ANO10: variants seen among roughly 807,000 people sequenced by gnomAD.
The protein encoded by ANO10 is anoctamin-10.
ANO10 carries 77 observed loss-of-function variants against 74.7 expected under a neutral mutation model. The ratio of observed to expected loss-of-function variants is 1.03; its 90% CI spans 0.86 to 1.25. The LOEUF is 1.25. Among genes scored for constraint, ANO10 ranks in the 50% most tolerant of loss-of-function variants. ANO10 has a pLI of 0.00. For missense variants in ANO10, 721 were observed against 778.1 expected (o/e 0.93, Z 0.87); for synonymous variants, 279 against 284.9 (o/e 0.98, Z 0.21).
intron 11 of ANO10, among the ~76,000 whole-genome samples, chr3:43,463,173 C>T (rs74416435): frequency 0.033 from 4,970 of 152,210 alleles, 268 homozygotes; most frequent in African/African-American, 0.11. Flanking sequence ...TCCCCCAGAC[C>T]TGAGAATGGC....
At chr3:43,620,805 C>T (rs2083357142) in intron 1 of ANO10, among the ~76,000 whole-genome samples, 1 of 152,192 alleles carries the variant, frequency 6.6e-6, no homozygotes, top group Admixed American at 6.5e-5. Context: ...GGTTTAAGTG[C>T]ATTTACACAC....
In ANO10 at chr3:43,545,687, A is replaced by T. The variant is rs368306602; in HGVS notation, c.1797+4033T>A. ...GACCCCACTGATAGTTTTGATGAAC[A>T]TTCTGTAACATTCTTTTTTTCCAGC... On this transcript the variant is annotated intron_variant, in intron 11 of 12. Transcript: ENST00000292246. 2.8e-4 allele frequency among the ~76,000 whole-genome samples: 43 copies of T among 152,330 alleles called. 1 individual carries two copies. The highest frequency in any genetic ancestry group is 1.6e-3 in the Admixed American group (24 of 15,296).
intron 1 of ANO10, among the ~76,000 whole-genome samples, chr3:43,663,640 C>A (rs2083952666): frequency 6.6e-6 from 1 of 152,102 alleles, no homozygotes. Flanking sequence ...CTCAGAAAAA[C>A]CCCATCATCT....
chr3:43,670,250 C>T (rs113739778), intron 1 of ANO10, among the ~76,000 whole-genome samples: 20 of 151,766 alleles, frequency 1.3e-4, no homozygotes, highest in Non-Finnish European at 1.6e-4. Flanking sequence ...TAGTCCCAGA[C>T]GCTCAGGAGG....
At chr3:43,560,599 T>C (rs1340698259) in intron 9 of ANO10, among the ~76,000 whole-genome samples, 1 of 152,086 alleles carries the variant, frequency 6.6e-6, no homozygotes, top group Non-Finnish European at 1.5e-5. Flanking sequence ...AAATGTGAAA[T>C]ATAGAAACAG....
intron 11 of ANO10, among the ~76,000 whole-genome samples, chr3:43,548,627 C>T (rs937722528): frequency 1.3e-5 from 2 of 152,152 alleles, no homozygotes; most frequent in Admixed American, 6.5e-5. Context: ...TCTGGTCAGC[C>T]CTGAGTCCTA....
intron 4 of ANO10, among the ~76,000 whole-genome samples, chr3:43,584,684 T>C (rs1435945361): frequency 2.0e-5 from 3 of 152,178 alleles, no homozygotes; most frequent in African/African-American, 7.2e-5. Context: ...GGCATAGTCA[T>C]GGACCTACAA....
chr3:43,670,590 G>A (rs1026953902), intron 1 of ANO10, among the ~76,000 whole-genome samples: 1 of 152,062 alleles, frequency 6.6e-6, no homozygotes, highest in African/African-American at 2.4e-5. Flanking sequence ...ATATCCAAAT[G>A]GTCCTAGTGT....
chr3:43,407,091 A>G (rs1308282535), intron 12 of ANO10, among the ~76,000 whole-genome samples: 3 of 152,052 alleles, frequency 2.0e-5, no homozygotes, highest in Non-Finnish European at 4.4e-5. Context: ...TTTAGTAGAG[A>G]TAGAGTTTCA....
At chr3:43,574,707 G>T (rs2080913223) in intron 7 of ANO10, 102 bp downstream of exon 7, 1 of 919,288 alleles carries the variant, frequency 1.1e-6, no homozygotes, top group Non-Finnish European at 1.7e-6. Context: ...AAAATATATT[G>T]ATATCTTAGA....
At chr3:43,462,411 A>G (rs554742693) in intron 11 of ANO10, among the ~76,000 whole-genome samples, 2 of 152,136 alleles carry the variant, frequency 1.3e-5, no homozygotes, top group South Asian at 4.1e-4. Context: ...TTGTATTTTT[A>G]GTAGAGATGG....
chr3:43,604,088 T>G (rs567879915), intron 2 of ANO10, among the ~76,000 whole-genome samples: 1 of 152,302 alleles, frequency 6.6e-6, no homozygotes, highest in African/African-American at 2.4e-5. Context: ...TATTTATTTT[T>G]ATTTTAATTG....
intron 12 of ANO10, among the ~76,000 whole-genome samples, chr3:43,405,202 G>A (rs886502515): frequency 1.1e-4 from 16 of 152,160 alleles, no homozygotes; most frequent in Non-Finnish European, 2.1e-4. Context: ...CAGGATTTTG[G>A]TGACTTTTAA....
rs115925165 is a variant in ANO10 at position 43,531,069 on chromosome 3, G to A, written c.1797+18651C>T. Among the ~76,000 whole-genome samples, 177 of 152,260 alleles carry A rather than the reference G, an allele frequency of 1.2e-3. 1 individual carries two copies. Among genetic ancestry groups the A allele is most frequent in the Admixed American group, 6.7e-3 (103 of 15,298 alleles). ...TTGGGTATTCTTTTAACTAAAACCTGTGTAATATGACTAATAAACTCTAGG... is the reference window on the plus strand; with the variant it reads ...TTGGGTATTCTTTTAACTAAAACCTATGTAATATGACTAATAAACTCTAGG... On this transcript the variant is annotated intron_variant, in intron 11 of 12. Transcript: ENST00000292246.
intron 11 of ANO10, among the ~76,000 whole-genome samples, chr3:43,449,236 C>T (rs2074734314): frequency 6.6e-6 from 1 of 152,008 alleles, no homozygotes; most frequent in Non-Finnish European, 1.5e-5. Flanking sequence ...GATACAAATC[C>T]TTTATCATTT....
intron 1 of ANO10, among the ~76,000 whole-genome samples, chr3:43,678,917 G>A (rs2084158078): frequency 6.6e-6 from 1 of 152,182 alleles, no homozygotes; most frequent in Admixed American, 6.5e-5. Flanking sequence ...GCCAGTTTTA[G>A]TAAGTTATGC....
chr3:43,578,759 A>G (rs931324023), intron 5 of ANO10, among the ~76,000 whole-genome samples: 12 of 100,936 alleles, frequency 1.2e-4, no homozygotes, highest in African/African-American at 2.4e-4. Flanking sequence ...CAAAAAAAAA[A>G]AAAAAAAAAA....
intron 2 of ANO10, among the ~76,000 whole-genome samples, chr3:43,603,079 T>C (rs2082407431): frequency 6.6e-6 from 1 of 152,222 alleles, no homozygotes; most frequent in Non-Finnish European, 1.5e-5. Context: ...AGCTAAGCCT[T>C]ACAGTATGCT....
At chr3:43,396,077 T>C (rs568979401) in intron 12 of ANO10, among the ~76,000 whole-genome samples, 1 of 139,746 alleles carries the variant, frequency 7.2e-6, no homozygotes, top group Non-Finnish European at 1.5e-5. Context: ...TATTTATTTA[T>C]TTTTTTTTTT....
Sources: gnomAD v4.1 joint callset for allele counts (sites outside exome capture counted in the v4.1 genomes callset) on GRCh38, gnomAD v4.1.1 for gene constraint, MANE v1.5 for transcripts, NCBI Gene and HGNC (gene_info 2026-07-23, HGNC 2026-07-21) for gene names.